The following GRM7 variants were observed in gnomAD, a reference collection of about 807,000 sequenced individuals.
The protein encoded by GRM7 is glutamate metabotropic receptor 7.
GRM7 carries 35 observed loss-of-function variants against 84.5 expected under a neutral mutation model. The ratio of observed to expected loss-of-function variants is 0.41; its 90% CI spans 0.32 to 0.55. GRM7 has a LOEUF of 0.55. Among genes scored for constraint, GRM7 ranks in the 20% least tolerant of loss-of-function variants. GRM7 has a pLI of 0.19. For synonymous variants in GRM7, 487 were observed against 455.1 expected, an observed-to-expected ratio of 1.07 and a Z score of -0.89; for missense variants, 1,003 against 1,194.6, an observed-to-expected ratio of 0.84 and a Z score of 2.36.
At chr3:7,337,079 C>T (rs550288464) in intron 4 of GRM7, among the ~76,000 whole-genome samples, 27 of 152,016 alleles carry the variant, frequency 1.8e-4, no homozygotes, top group Non-Finnish European at 2.6e-4. Context: ...GGCACATAGA[C>T]CAATGGAACA....
At chr3:7,406,212 A>G (rs1695668765) in intron 4 of GRM7, among the ~76,000 whole-genome samples, 1 of 152,036 alleles carries the variant, frequency 6.6e-6, no homozygotes, top group Non-Finnish European at 1.5e-5. Flanking sequence ...TTTTAAAAGA[A>G]TCTATCGGCC....
intron 4 of GRM7, among the ~76,000 whole-genome samples, chr3:7,401,295 C>A (rs1054282203): frequency 3.9e-5 from 6 of 152,146 alleles, no homozygotes; most frequent in African/African-American, 1.4e-4. Context: ...TCTCATCTGG[C>A]ACTCAGAGTG....
chr3:7,142,120 G>C (rs927775881), intron 1 of GRM7, among the ~76,000 whole-genome samples: 1 of 151,940 alleles, frequency 6.6e-6, no homozygotes, highest in Non-Finnish European at 1.5e-5. Context: ...TGAATGTTAG[G>C]CTTAGGTTAG....
intron 7 of GRM7, among the ~76,000 whole-genome samples, chr3:7,570,149 A>C (rs116677093): frequency 0.042 from 6,333 of 152,262 alleles, 214 homozygotes; most frequent in Non-Finnish European, 0.057. Flanking sequence ...TTTACAATTC[A>C]AAATGAGATT....
intron 7 of GRM7, among the ~76,000 whole-genome samples, chr3:7,556,459 A>G (rs912365035): frequency 1.3e-5 from 2 of 152,194 alleles, no homozygotes; most frequent in African/African-American, 2.4e-5. Flanking sequence ...AGTGCCCAAA[A>G]AATTGCATGG....
chr3:7,691,650 T>C (rs1700804826), intron 9 of GRM7, among the ~76,000 whole-genome samples: 1 of 152,080 alleles, frequency 6.6e-6, no homozygotes, highest in Non-Finnish European at 1.5e-5. Flanking sequence ...ATCTGGTTTT[T>C]TTATTCTGTT....
intron 1 of GRM7, among the ~76,000 whole-genome samples, chr3:7,042,124 A>G (rs1378037403): frequency 1.3e-5 from 2 of 152,122 alleles, no homozygotes; most frequent in Non-Finnish European, 2.9e-5. Context: ...TAGCAAATGA[A>G]CCCGTTTCCC....
At chr3:7,117,110 C>A (rs1433419911) in intron 1 of GRM7, among the ~76,000 whole-genome samples, 1 of 152,116 alleles carries the variant, frequency 6.6e-6, no homozygotes, top group Non-Finnish European at 1.5e-5. Flanking sequence ...CAGGAATACA[C>A]AGAGAAATAA....
chr3:7,711,616 C>T (rs1297550738), intron 9 of GRM7, among the ~76,000 whole-genome samples: 1 of 152,170 alleles, frequency 6.6e-6, no homozygotes, highest in Non-Finnish European at 1.5e-5. Flanking sequence ...AGGCATGCTG[C>T]CTGGAACTCG....
intron 1 of GRM7, among the ~76,000 whole-genome samples, chr3:6,975,737 T>G (rs1031550276): frequency 6.6e-6 from 1 of 152,110 alleles, no homozygotes; most frequent in African/African-American, 2.4e-5. Flanking sequence ...GTTTTAAGCC[T>G]GGCTGATCTG....
intron 9 of GRM7, among the ~76,000 whole-genome samples, chr3:7,683,218 G>A (rs1490186465): frequency 6.6e-6 from 1 of 152,270 alleles, no homozygotes; most frequent in Non-Finnish European, 1.5e-5. Context: ...ACAAAGACAG[G>A]AGTAACCTGA....
intron 4 of GRM7, among the ~76,000 whole-genome samples, chr3:7,333,329 C>T (rs562222134): frequency 1.3e-5 from 2 of 152,304 alleles, no homozygotes; most frequent in African/African-American, 4.8e-5. Flanking sequence ...AGACATTCGC[C>T]AGCACCAGCC....
At chr3:7,489,284 C>A (rs1407238794) in intron 7 of GRM7, among the ~76,000 whole-genome samples, 1 of 152,140 alleles carries the variant, frequency 6.6e-6, no homozygotes, top group Non-Finnish European at 1.5e-5. Flanking sequence ...TTATCCCTTT[C>A]TTCTCCTTCC....
At chr3:7,721,835 G>A (rs1005993391) in intron 9 of GRM7, among the ~76,000 whole-genome samples, 3 of 152,184 alleles carry the variant, frequency 2.0e-5, no homozygotes, top group African/African-American at 7.2e-5. Context: ...ATAAGAAACT[G>A]TCATTTTTGG....
chr3:7,244,572 A>C (rs910043185), intron 2 of GRM7, among the ~76,000 whole-genome samples: 9 of 152,112 alleles, frequency 5.9e-5, no homozygotes, highest in African/African-American at 2.2e-4. Context: ...ACCTTATTTT[A>C]AACTCCAGAA....
intron 8 of GRM7, among the ~76,000 whole-genome samples, chr3:7,639,353 G>T (rs996407865): frequency 5.0e-4 from 76 of 152,084 alleles, no homozygotes; most frequent in African/African-American, 1.8e-3. Flanking sequence ...ACATTTACTG[G>T]CTCCCATTTA....
At chr3:7,571,346 T>C (rs2125045914) in intron 7 of GRM7, among the ~76,000 whole-genome samples, 1 of 152,336 alleles carries the variant, frequency 6.6e-6, no homozygotes, top group Non-Finnish European at 1.5e-5. Flanking sequence ...TGAATGCCTT[T>C]AACAGCACCC....
intron 2 of GRM7, among the ~76,000 whole-genome samples, chr3:7,277,989 A>G (rs531441279): frequency 1.5e-4 from 23 of 152,224 alleles, no homozygotes; most frequent in African/African-American, 4.6e-4. Flanking sequence ...GAGAACAAAT[A>G]CTGAATTGAT....
intron 2 of GRM7, among the ~76,000 whole-genome samples, chr3:7,198,660 T>C (rs1695962097): frequency 6.6e-6 from 1 of 152,204 alleles, no homozygotes; most frequent in Non-Finnish European, 1.5e-5. Flanking sequence ...ACACAAAGCC[T>C]ATTGTATAAT....
Sources: gnomAD v4.1 joint callset for allele counts (sites outside exome capture counted in the v4.1 genomes callset) on GRCh38, gnomAD v4.1.1 for gene constraint, MANE v1.5 for transcripts, NCBI Gene and HGNC (gene_info 2026-07-23, HGNC 2026-07-21) for gene names.